PCDHGA8: variants seen among roughly 807,000 people sequenced by gnomAD.
PCDHGA8 encodes protocadherin gamma-A8.
A neutral mutation model predicts 59.2 loss-of-function variants in PCDHGA8; 45 were observed. The ratio of observed to expected loss-of-function variants is 0.76; its 90% CI spans 0.60 to 0.98. The LOEUF (loss-of-function observed/expected upper bound fraction) is 0.98. PCDHGA8 is among the 50% of genes least tolerant of loss of function. The pLI, the probability that PCDHGA8 is intolerant of heterozygous loss-of-function variation, is 0.00. For missense variants in PCDHGA8, 1,257 were observed against 1,196.2 expected, an observed-to-expected ratio of 1.05 and a Z score of -0.75; for synonymous variants, 531 against 519.0, an observed-to-expected ratio of 1.02 and a Z score of -0.32.
rs2099427641 is a variant in PCDHGA8, at chr5:141,477,974, G to T, written c.2425-16833G>T. The T allele has an allele frequency of 1.2e-6, 2 of 1,614,034 alleles. No homozygotes were observed. The highest frequency in any genetic ancestry group is 1.6e-4 in the Middle Eastern group (1 of 6,062). On this transcript the variant is annotated intron_variant, in intron 1 of 3. Transcript: ENST00000398604. This position sits in a 1 kb window ranked among gnomAD's most constrained non-coding sequence, Gnocchi z 4.9. ...GGGATCCCCTAACCAGAGCCTTTTT[G>T]CCATAGGGCTGCACACTGGTCAAAT...
chr5:141,405,229 C>T, intron 1 of PCDHGA8: 1 of 1,614,144 alleles, frequency 6.2e-7, no homozygotes, highest in Non-Finnish European at 8.5e-7. Context: ...AGTTCTCCCT[C>T]ACCGCTGACT....
intron 1 of PCDHGA8, chr5:141,478,489 C>G (rs779457709): frequency 5.6e-6 from 9 of 1,613,162 alleles, no homozygotes; most frequent in Middle Eastern, 1.6e-4. Flanking sequence ...CGCTGCGGAG[C>G]TGTGATCCGG....
chr5:141,420,960 T>C, intron 1 of PCDHGA8: 1 of 425,378 alleles, frequency 2.4e-6, no homozygotes, highest in East Asian at 3.9e-5. Context: ...TCTTAGTCGT[T>C]GCAATAATAA....
chr5:141,505,558 C>A (rs945428797), intron 3 of PCDHGA8, 77 bp downstream of exon 3: 1 of 1,605,016 alleles, frequency 6.2e-7, no homozygotes, highest in African/African-American at 1.3e-5. Context: ...ACCATGCCCA[C>A]GGACTGGATG....
At chr5:141,423,357 C>A in intron 1 of PCDHGA8, 1 of 1,614,214 alleles carries the variant, frequency 6.2e-7, no homozygotes, top group Non-Finnish European at 8.5e-7. Flanking sequence ...TCTTTGTCAT[C>A]GTGCTGCTGG....
chr5:141,494,749 G>C (rs573811540), intron 1 of PCDHGA8, 58 bp from the exon 2 acceptor site: 3 of 1,612,818 alleles, frequency 1.9e-6, no homozygotes, highest in South Asian at 2.2e-5. Context: ...CTAGGGGCTC[G>C]GGTGACATTC....
chr5:141,444,494 A>G (rs892854259), intron 1 of PCDHGA8, among the ~76,000 whole-genome samples: 1 of 152,010 alleles, frequency 6.6e-6, no homozygotes, highest in Admixed American at 6.6e-5. Flanking sequence ...ATATTGTGTA[A>G]TACTTTGCTC....
chr5:141,432,415 G>A lies in PCDHGA8; in HGVS notation c.2424+37178G>A, dbSNP rs2097498934. The A allele has an allele frequency of 6.2e-7, 1 of 1,614,112 alleles. No homozygotes were observed. The highest frequency in any genetic ancestry group is 1.1e-5 in the South Asian group (1 of 91,092). On this transcript the variant is annotated intron_variant, in intron 1 of 3. Transcript: ENST00000398604. This position sits in a 1 kb window ranked among gnomAD's most constrained non-coding sequence, Gnocchi z 6.0. ...GCAACGTGTCGTTGAGCCTGTTCGT[G>A]CTGGACCAGAACGACAATGCGCCCG... is the stretch of plus-strand genomic sequence containing the variant.
intron 1 of PCDHGA8, among the ~76,000 whole-genome samples, chr5:141,402,262 TA>T (rs1248031439): frequency 6.6e-6 from 1 of 151,912 alleles, no homozygotes; most frequent in Non-Finnish European, 1.5e-5. Context: ...CCCCAGAAAA[TA>T]ATTTCAAAGT....
chr5:141,400,483 C>T (rs748464990), intron 1 of PCDHGA8: 1 of 1,614,020 alleles, frequency 6.2e-7, no homozygotes, highest in South Asian at 1.1e-5. Flanking sequence ...GGCCTTATTT[C>T]CACTTTGTAA....
At chr5:141,420,651 T>A (rs1357679146) in intron 1 of PCDHGA8, among the ~76,000 whole-genome samples, 1 of 152,274 alleles carries the variant, frequency 6.6e-6, no homozygotes, top group East Asian at 1.9e-4. Flanking sequence ...GTAAGAATTA[T>A]AGTTAGGCAT....
chr5:141,500,234 A>T (rs2099798212), intron 2 of PCDHGA8, among the ~76,000 whole-genome samples: 1 of 148,996 alleles, frequency 6.7e-6, no homozygotes, highest in Non-Finnish European at 1.5e-5. Context: ...ATTGATACGT[A>T]GCCTTGCTCT....
Position 141,469,573 on chromosome 5 carries a change from C to CTAAA in PCDHGA8, c.2425-25217_2425-25214dup, listed in dbSNP as rs1209972534. Among the ~76,000 whole-genome samples the CTAAA allele has an allele frequency of 1.4e-4, 21 of 151,674 alleles. No individual in the cohort carries two copies. In the East Asian group the frequency reaches 2.3e-3, roughly 17 times the overall value. On this transcript the variant is annotated intron_variant, in intron 1 of 3. Coordinates refer to ENST00000398604, the MANE Select transcript of PCDHGA8 (RefSeq NM_032088.2). ...CTGGCGACAGAGTGAGACTCTGTCT[C>CTAAA]TAAATAAATAAATAAATAAAACAAA...
intron 1 of PCDHGA8, chr5:141,428,087 G>A (rs2097108117): frequency 6.2e-7 from 1 of 1,609,106 alleles, no homozygotes; most frequent in Non-Finnish European, 8.5e-7. Context: ...ACAACGCTTG[G>A]CTGTCCTACC....
chr5:141,450,828 TA>T lies in PCDHGA8; in HGVS notation c.2425-43978del, dbSNP rs1427656987. Among the ~76,000 whole-genome samples the T allele has an allele frequency of 7.8e-4, 110 of 141,058 alleles. 1 individual carries two copies. The highest frequency in any genetic ancestry group is 1.8e-3 in the African/African-American group (65 of 36,868). The allele number at this position is 141,058 out of a possible 152,430, so 92.5% of individuals were successfully genotyped here. A position where few individuals can be genotyped will look rare whatever the true frequency, so the allele number is the denominator to read the frequency against. ...TTTATTTATTTAATATTATTATTAT[TA>T]TTTTTTTTTTTTTGAGATGGGGTCT... On this transcript the variant is annotated intron_variant, in intron 1 of 3. Transcript: ENST00000398604.
chr5:141,422,158 G>GA (rs1401712595), intron 1 of PCDHGA8: 2 of 1,571,916 alleles, frequency 1.3e-6, no homozygotes, highest in Middle Eastern at 1.7e-4. Flanking sequence ...TCTGGATTTT[G>GA]AAAAATATAG....
intron 1 of PCDHGA8, among the ~76,000 whole-genome samples, chr5:141,492,586 G>C (rs1451055991): frequency 6.6e-6 from 1 of 152,220 alleles, no homozygotes; most frequent in Admixed American, 6.5e-5. Context: ...GGGGCCAGGA[G>C]CGCTGGAGCG....
chr5:141,428,293 C>T, intron 1 of PCDHGA8: 1 of 716,436 alleles, frequency 1.4e-6, no homozygotes, highest in South Asian at 1.6e-5. Context: ...AGCAAAGCTG[C>T]AGATTTACCT....
chr5:141,403,196 G>C lies in PCDHGA8; in HGVS notation c.2424+7959G>C, dbSNP rs762413220. 13 of 1,613,868 alleles carry C rather than the reference G, an allele frequency of 8.1e-6. No individual in the cohort carries two copies. The highest frequency in any genetic ancestry group is 1.6e-4 in the Middle Eastern group (1 of 6,078). On this transcript the variant is annotated intron_variant, in intron 1 of 3. Transcript: ENST00000398604. ...GCTTTTCTCTCTGAACCCGCGCAGC[G>C]GCACCTTGGTCACCGCGGGTAGGAT...
Sources: gnomAD v4.1 joint callset for allele counts (sites outside exome capture counted in the v4.1 genomes callset) on GRCh38, gnomAD v4.1.1 for gene constraint, Gnocchi (gnomAD v3.1) non-coding constraint, MANE v1.5 for transcripts, NCBI Gene and HGNC (gene_info 2026-07-23, HGNC 2026-07-21) for gene names.